MAP3K1: variants seen among roughly 807,000 people sequenced by gnomAD.
MAP3K1 encodes the protein MAP/ERK kinase kinase 1.
In MAP3K1, 36 loss-of-function variants were observed where a neutral mutation model predicts 144.2. The ratio of observed to expected loss-of-function variants is 0.25; its 90% CI spans 0.19 to 0.33. The LOEUF (loss-of-function observed/expected upper bound fraction) is 0.33. Ranked by LOEUF, MAP3K1 falls within the 10% of genes least tolerant of loss-of-function variation. MAP3K1 has a pLI of 1.00. For synonymous variants in MAP3K1, 718 were observed against 688.7 expected, an observed-to-expected ratio of 1.04 and a Z score of -0.67; for missense variants, 1,650 against 1,881.9, an observed-to-expected ratio of 0.88 and a Z score of 2.28.
chr5:56,868,815 A>G (rs1747762136), intron 6 of MAP3K1, among the ~76,000 whole-genome samples: 1 of 152,232 alleles, frequency 6.6e-6, no homozygotes, highest in Admixed American at 6.5e-5. Flanking sequence ...GAAGCAACCC[A>G]GGTGTCCATC....
intron 1 of MAP3K1, among the ~76,000 whole-genome samples, chr5:56,824,269 G>C (rs930119841): frequency 6.6e-6 from 1 of 152,200 alleles, no homozygotes; most frequent in African/African-American, 2.4e-5. Context: ...AATACTCTAA[G>C]CAGCCAAAGG....
At position 56,859,859 on chromosome 5, in the gene MAP3K1, C is replaced by T. The variant is rs201539021; in HGVS notation, c.778C>T (p.Arg260Cys). The change falls in exon 3 of 20, where the codon CGC becomes TGC. Residue 260 changes from arginine (R) to cysteine (C), a missense_variant. Around this residue, in one of 6 missense-constraint regions of MAP3K1, gnomAD observed 148 missense variants for 177.2 expected, o/e 0.84. Coordinates refer to ENST00000399503, the MANE Select transcript of MAP3K1 (RefSeq NM_005921.2). ...SPSPGNSPSG[R>C]TVKSESPGVR... The stretch of plus-strand genomic sequence containing the variant: ...TTCTCCTGGCAACTCCCCATCAGGT[C>T]GCACAGTGAAATCAGAATCTCCAGG... 31 of 1,613,684 alleles carry T rather than the reference C, an allele frequency of 1.9e-5. No homozygotes were observed. Among genetic ancestry groups the T allele is most frequent in the East Asian group, 1.8e-4 (8 of 44,844 alleles).
rs557606535 is a variant in MAP3K1, at chr5:56,815,967, G to A, written c.394G>A (p.Asp132Asn). The A allele has an allele frequency of 3.2e-6, 4 of 1,258,612 alleles. No homozygotes were observed. Among genetic ancestry groups the A allele is most frequent in the South Asian group, 2.9e-5 (1 of 33,994 alleles). 78.0% of individuals were successfully genotyped at this position (1,258,612 alleles called of 1,614,324 possible). ...CCTTACCGAGTCGGTGGCGGCGCCG[G>A]ACAGCGGCGCCTCGAGTCCCGCAGC... The part of the protein sequence containing the change: ...AHLTESVAAP[D>N]SGASSPAAAE... Residue 132 changes from aspartate (D) to asparagine (N), a missense_variant, in exon 1 of 20, where the codon GAC (aspartate) becomes AAC (asparagine). Physicochemically the swap from Asp to Asn is conservative, Grantham distance 23 (BLOSUM62 1). This residue lies in a region of MAP3K1 where 360 missense variants were observed against 274.7 expected (regional missense o/e 1.31). Coordinates refer to ENST00000399503, the MANE Select transcript of MAP3K1 (RefSeq NM_005921.2).
At position 56,893,736 on chromosome 5, in the gene MAP3K1, C is replaced by A; in HGVS notation, c.*56C>A. 2 of 1,583,708 alleles carry A rather than the reference C, an allele frequency of 1.3e-6. No homozygotes were observed. The highest frequency in any genetic ancestry group is 8.6e-7 in the Non-Finnish European group (1 of 1,157,020). ...AGGATGCTCAACAAGAGAAAAAAAA[C>A]TTGTGGGGAACCACATTGATATTCT... is the stretch of plus-strand genomic sequence containing the variant. On this transcript the variant is annotated 3_prime_UTR_variant, in exon 20 of 20. Transcript: ENST00000399503.
intron 1 of MAP3K1, among the ~76,000 whole-genome samples, chr5:56,836,560 A>G (rs184392094): frequency 2.5e-4 from 38 of 152,192 alleles, no homozygotes; most frequent in African/African-American, 8.2e-4. Flanking sequence ...CGCTTTGGGC[A>G]TTTGTGCGGT....
At chr5:56,880,644 C>T in intron 11 of MAP3K1, 67 bp from the exon 12 acceptor site, 1 of 1,030,576 alleles carries the variant, frequency 9.7e-7, no homozygotes, top group Non-Finnish European at 1.5e-6. Flanking sequence ...CATTACATTA[C>T]TCCTCTAATA....
chr5:56,880,397 A>G (rs1452290327), intron 11 of MAP3K1, among the ~76,000 whole-genome samples: 1 of 152,176 alleles, frequency 6.6e-6, no homozygotes, highest in Admixed American at 6.5e-5. Flanking sequence ...TCAAAATATC[A>G]AGGTCCTTGT....
At position 56,881,581 on chromosome 5, in the gene MAP3K1, T is replaced by A. The variant is rs781127623; in HGVS notation, c.2381T>A (p.Leu794Gln). The change falls in exon 14 of 20, where the codon CTG (leucine) becomes CAG (glutamine). Residue 794 changes from leucine (L) to glutamine (Q), a missense_variant. This residue lies in a region of MAP3K1 where 841 missense variants were observed against 886.5 expected (regional missense o/e 0.95). Coordinates refer to ENST00000399503, the MANE Select transcript of MAP3K1 (RefSeq NM_005921.2). ...AEPVEIRYKK[L>Q]LSLLTFALQS... ...TTTTTTTCTTTCAGGTATAAGAAGC[T>A]GCTGTCCCTCTTAACCTTTGCTTTG... 1 of 1,612,270 alleles carries A rather than the reference T, an allele frequency of 6.2e-7. No individual in the cohort carries two copies. Among genetic ancestry groups the A allele is most frequent in the Non-Finnish European group, 8.5e-7 (1 of 1,178,538 alleles).
At chr5:56,834,649 C>A (rs1463375922) in intron 1 of MAP3K1, among the ~76,000 whole-genome samples, 1 of 152,136 alleles carries the variant, frequency 6.6e-6, no homozygotes, top group Non-Finnish European at 1.5e-5. Flanking sequence ...GCGGATGTTG[C>A]AGTGAGCTGA....
rs935361298 is a variant in MAP3K1 at position 56,876,275 on chromosome 5, T to G, written c.1965+965T>G. Among the ~76,000 whole-genome samples the G allele has an allele frequency of 2.5e-4, 35 of 142,438 alleles. 1 individual carries two copies. Among genetic ancestry groups the G allele is most frequent in the South Asian group, 1.3e-3 (5 of 3,888 alleles). The allele number at this position is 142,438 out of a possible 152,430, so 93.4% of individuals were successfully genotyped here. On this transcript the variant is annotated intron_variant, in intron 10 of 19. Coordinates refer to ENST00000399503, the MANE Select transcript of MAP3K1 (RefSeq NM_005921.2). Reference sequence around the variant, plus strand: ...GAGCAAACCCACCCCCACCCGATCATGCCCCCAGTTATGACAACCAAGAAT... The same window carrying G: ...GAGCAAACCCACCCCCACCCGATCAGGCCCCCAGTTATGACAACCAAGAAT...
intron 14 of MAP3K1, 50 bp from the exon 15 acceptor site, chr5:56,883,477 A>C (rs1360559472): frequency 6.3e-7 from 1 of 1,583,550 alleles, no homozygotes; most frequent in African/African-American, 1.3e-5. Context: ...CTAATTTCAC[A>C]AAATCTTACT....
chr5:56,882,079 G>A lies in MAP3K1; in HGVS notation c.2879G>A (p.Gly960Asp), dbSNP rs763146065. The change falls in exon 14 of 20, where the codon GGC becomes GAC. Residue 960 changes from glycine (G) to aspartate (D), a missense_variant. Around this residue, in one of 6 missense-constraint regions of MAP3K1, gnomAD observed 841 missense variants for 886.5 expected, o/e 0.95. Coordinates refer to ENST00000399503, the MANE Select transcript of MAP3K1 (RefSeq NM_005921.2). ...CCAAAGCCAATGGTTCAAACAAAAGGCAGACCCCACAGTCAGTGTTTGAAC... is the reference window on the plus strand; with the variant it reads ...CCAAAGCCAATGGTTCAAACAAAAGACAGACCCCACAGTCAGTGTTTGAAC... The part of the protein sequence containing the change: ...EQPKPMVQTK[G>D]RPHSQCLNSS... The A allele has an allele frequency of 6.8e-6, 11 of 1,614,000 alleles. No individual in the cohort carries two copies. Among genetic ancestry groups the A allele is most frequent in the Non-Finnish European group, 9.3e-6 (11 of 1,180,018 alleles).
chr5:56,865,728 G>GAAAAACATGCAA, intron 5 of MAP3K1, 101 bp from the exon 6 acceptor site: 7 of 1,289,650 alleles, frequency 5.4e-6, no homozygotes, highest in Non-Finnish European at 7.8e-6. Flanking sequence ...TCAACTTTAT[G>GAAAAACATGCAA]AAAAACATGC....
chr5:56,885,058 A>G (rs1259291672), intron 16 of MAP3K1, among the ~76,000 whole-genome samples: 1 of 152,150 alleles, frequency 6.6e-6, no homozygotes, highest in Non-Finnish European at 1.5e-5. Flanking sequence ...TTTTTAAATG[A>G]TTGTGTAGCA....
rs2229882 is a variant in MAP3K1, at chr5:56,872,885, C to T, written c.1566C>T (p.Thr522=). 85,411 of 1,613,946 alleles carry T rather than the reference C, an allele frequency of 0.053. 2,428 individuals carry two copies. Among genetic ancestry groups the T allele is most frequent in the East Asian group, 0.065 (2,928 of 44,874 alleles). The change falls in exon 9 of 20, where the codon ACC becomes ACT. Residue 522 remains threonine, a synonymous_variant. Coordinates refer to ENST00000399503, the MANE Select transcript of MAP3K1 (RefSeq NM_005921.2). The part of the protein sequence containing the change: ...PSSLRAAQQQ[T]VQQQPLAGSR... The stretch of plus-strand genomic sequence containing the variant: ...CCCTCAGAGCTGCACAGCAGCAAAC[C>T]GTACAGCAGCAGCCTTTGGCTGGAT...
intron 3 of MAP3K1, among the ~76,000 whole-genome samples, chr5:56,860,471 G>C (rs937394257): frequency 2.0e-5 from 3 of 152,196 alleles, no homozygotes; most frequent in African/African-American, 7.2e-5. Flanking sequence ...AACATGAAAT[G>C]AGTGACCAAC....
At chr5:56,827,026 G>A (rs995533584) in intron 1 of MAP3K1, among the ~76,000 whole-genome samples, 7 of 152,204 alleles carry the variant, frequency 4.6e-5, no homozygotes, top group Admixed American at 3.3e-4. Flanking sequence ...CCCGATAAAC[G>A]TGGAGGAATG....
chr5:56,856,794 A>G (rs2111864752), intron 2 of MAP3K1, 44 bp downstream of exon 2: 1 of 1,603,748 alleles, frequency 6.2e-7, no homozygotes, highest in Non-Finnish European at 8.5e-7. Context: ...AAAGCATAGG[A>G]GGAAATGGAA....
intron 11 of MAP3K1, 137 bp from the exon 12 acceptor site, chr5:56,880,574 A>G (rs1272346075): frequency 3.9e-5 from 28 of 710,336 alleles, no homozygotes; most frequent in Non-Finnish European, 7.3e-5. Context: ...TGTTAATATG[A>G]TTTTAGTGGT....
Sources: allele counts gnomAD v4.1 joint callset (sites outside exome capture counted in the v4.1 genomes callset), GRCh38; gene constraint gnomAD v4.1.1; regional missense constraint gnomAD v4.1.1; transcripts MANE v1.5; gene names NCBI Gene and HGNC (gene_info 2026-07-23, HGNC 2026-07-21).